NETO1: variants seen among roughly 807,000 people sequenced by gnomAD.
NETO1 encodes neuropilin and tolloid-like protein 1.
NETO1 carries 26 observed loss-of-function variants against 61.3 expected under a neutral mutation model. The ratio of observed to expected loss-of-function variants is 0.42; its 90% CI spans 0.31 to 0.59. NETO1 has a LOEUF of 0.59. Among genes scored for constraint, NETO1 ranks in the 20% least tolerant of loss-of-function variants. NETO1 has a pLI of 0.12. For missense variants in NETO1, 531 were observed against 662.8 expected (o/e 0.80, Z 2.18); for synonymous variants, 225 against 225.8 (o/e 1.00, Z 0.03).
chr18:72,829,909 A>C (rs1391384451), intron 4 of NETO1, among the ~76,000 whole-genome samples: 1 of 152,222 alleles, frequency 6.6e-6, no homozygotes, highest in Admixed American at 6.5e-5. Context: ...GCATTACCCT[A>C]GGATTGACTC....
chr18:72,756,251 C>T (rs1328798014), intron 7 of NETO1, 104 bp from the exon 8 acceptor site: 3 of 605,284 alleles, frequency 5.0e-6, no homozygotes, highest in Non-Finnish European at 8.9e-6. Flanking sequence ...AATAATTTGC[C>T]ACAAACTGAG....
intron 6 of NETO1, among the ~76,000 whole-genome samples, chr18:72,785,431 T>A (rs1473338649): frequency 1.3e-5 from 2 of 152,210 alleles, no homozygotes; most frequent in Non-Finnish European, 1.5e-5. Flanking sequence ...CTGACCAGCC[T>A]GGATAGTTGC....
At chr18:72,803,523 C>T (rs74920940) in intron 4 of NETO1, among the ~76,000 whole-genome samples, 134 of 152,252 alleles carry the variant, frequency 8.8e-4, no homozygotes, top group Non-Finnish European at 1.7e-3. Context: ...CCTGAAAAGG[C>T]TCTTAAAATA....
chr18:72,842,543 A>G (rs1301728689), intron 4 of NETO1, among the ~76,000 whole-genome samples: 1 of 152,218 alleles, frequency 6.6e-6, no homozygotes, highest in Non-Finnish European at 1.5e-5. Flanking sequence ...TTAATGTTGT[A>G]TCAAAGATGT....
At chr18:72,829,392 A>G (rs1599097567) in intron 4 of NETO1, among the ~76,000 whole-genome samples, 1 of 152,238 alleles carries the variant, frequency 6.6e-6, no homozygotes, top group South Asian at 2.1e-4. Context: ...TTTTCAGGAT[A>G]AAGAGAAAAA....
chr18:72,783,969 C>A, intron 6 of NETO1, 63 bp from the exon 7 acceptor site: 1 of 1,127,790 alleles, frequency 8.9e-7, no homozygotes. Flanking sequence ...AGTATCAGAA[C>A]TCCTTTTCTC....
intron 4 of NETO1, among the ~76,000 whole-genome samples, chr18:72,803,337 A>C (rs1181560374): frequency 6.6e-6 from 1 of 152,228 alleles, no homozygotes; most frequent in African/African-American, 2.4e-5. Flanking sequence ...GCATGAAGTT[A>C]AACAAGGATG....
At chr18:72,752,936 C>T (rs2070670591) in intron 8 of NETO1, among the ~76,000 whole-genome samples, 1 of 151,832 alleles carries the variant, frequency 6.6e-6, no homozygotes, top group African/African-American at 2.4e-5. Flanking sequence ...TTTATAAAGA[C>T]AGAGGCATGC....
At chr18:72,845,087 C>A (rs960742335) in intron 4 of NETO1, among the ~76,000 whole-genome samples, 1 of 152,198 alleles carries the variant, frequency 6.6e-6, no homozygotes, top group Non-Finnish European at 1.5e-5. Context: ...AACATCTCAA[C>A]ATTTTGTATA....
intron 8 of NETO1, among the ~76,000 whole-genome samples, chr18:72,753,720 A>C (rs1480124001): frequency 6.6e-6 from 1 of 152,206 alleles, no homozygotes; most frequent in Non-Finnish European, 1.5e-5. Context: ...AACTCTTTTA[A>C]AAAAGCAATG....
At position 72,746,373 on chromosome 18, in the gene NETO1, A is replaced by T. The variant is rs549193995; in HGVS notation, c.*1806T>A. On this transcript the variant is annotated 3_prime_UTR_variant, in exon 11 of 11. Transcript: ENST00000327305. ...AATAAACCAGTCAAGCCAAATAAAAAAGGGTACATTTTATCATAAGCAATG... is the reference window on the plus strand; with the variant it reads ...AATAAACCAGTCAAGCCAAATAAAATAGGGTACATTTTATCATAAGCAATG... 5.3e-5 allele frequency among the ~76,000 whole-genome samples: 8 copies of T among 152,258 alleles called. No individual in the cohort carries two copies. The East Asian group carries it at 1.5e-3, about 29-fold the overall frequency.
intron 4 of NETO1, among the ~76,000 whole-genome samples, chr18:72,829,818 C>T (rs1485006657): frequency 6.6e-6 from 1 of 152,182 alleles, no homozygotes; most frequent in Non-Finnish European, 1.5e-5. Context: ...GCTGCTCTTG[C>T]TTTCCTGTTC....
intron 4 of NETO1, among the ~76,000 whole-genome samples, chr18:72,816,473 G>A (rs555798326): frequency 2.6e-4 from 39 of 152,274 alleles, no homozygotes; most frequent in Admixed American, 6.5e-4. Flanking sequence ...CTACAGTCAG[G>A]AAGAAGGCTG....
intron 4 of NETO1, among the ~76,000 whole-genome samples, chr18:72,831,419 A>G (rs2073575381): frequency 1.3e-5 from 2 of 152,222 alleles, no homozygotes; most frequent in African/African-American, 4.8e-5. Flanking sequence ...AGATGTAGCA[A>G]TATAACTCAC....
chr18:72,816,066 T>C (rs1309405687), intron 4 of NETO1, among the ~76,000 whole-genome samples: 1 of 151,984 alleles, frequency 6.6e-6, no homozygotes, highest in African/African-American at 2.4e-5. Context: ...TCTCTCTCTC[T>C]CTCTCCCTCT....
chr18:72,758,202 G>A (rs1011897647), intron 7 of NETO1, among the ~76,000 whole-genome samples: 1 of 152,086 alleles, frequency 6.6e-6, no homozygotes, highest in African/African-American at 2.4e-5. Context: ...CTTGGTAGTT[G>A]TGAAACTATC....
intron 4 of NETO1, among the ~76,000 whole-genome samples, chr18:72,851,139 T>C (rs897999351): frequency 4.6e-5 from 7 of 152,096 alleles, no homozygotes; most frequent in African/African-American, 7.2e-5. Context: ...CGGCCGGGCA[T>C]GGTGGCTCAC....
chr18:72,812,022 A>G (rs12966416), intron 4 of NETO1, among the ~76,000 whole-genome samples: 2,035 of 152,302 alleles, frequency 0.013, 16 homozygotes, highest in Middle Eastern at 0.045. Context: ...TCCCACAGTG[A>G]CTGCAGCCTT....
intron 4 of NETO1, among the ~76,000 whole-genome samples, chr18:72,840,386 A>G (rs2073892076): frequency 6.6e-6 from 1 of 152,210 alleles, no homozygotes; most frequent in African/African-American, 2.4e-5. Context: ...CTAGCCCAGA[A>G]GCTATCATCC....
Sources: gnomAD v4.1 joint callset for allele counts (sites outside exome capture counted in the v4.1 genomes callset) on GRCh38, gnomAD v4.1.1 for gene constraint, MANE v1.5 for transcripts, NCBI Gene and HGNC (gene_info 2026-07-23, HGNC 2026-07-21) for gene names.